The following GSTO2 variants were observed in gnomAD, a reference collection of about 807,000 sequenced individuals.
GSTO2 encodes the protein glutathione S-transferase omega-2.
In GSTO2, 23 loss-of-function variants were observed where a neutral mutation model predicts 28.4. The ratio of observed to expected loss-of-function variants is 0.81; its 90% CI spans 0.58 to 1.15. GSTO2 has a LOEUF of 1.15. GSTO2 is among the 50% of genes most tolerant of loss of function. GSTO2 has a pLI of 0.00. For missense variants in GSTO2, 298 were observed against 297.8 expected (o/e 1.00, Z 0.00); for synonymous variants, 109 against 111.0 (o/e 0.98, Z 0.11).
intron 5 of GSTO2, among the ~76,000 whole-genome samples, chr10:104,288,205 G>T (rs548355049): frequency 6.6e-6 from 1 of 152,248 alleles, no homozygotes; most frequent in Non-Finnish European, 1.5e-5. Flanking sequence ...CACTTTTAAT[G>T]TCTGCATACT....
Position 104,299,307 on chromosome 10 carries a change from T to C in GSTO2, c.*23T>C, listed in dbSNP as rs1406057439. The C allele has an allele frequency of 6.2e-7, 1 of 1,613,186 alleles. No homozygotes were observed. ...TGAGTCTCACTGTCCACCCCTTCGCTGTCCAGAATTCCCCAGCTTGTTGGG... is the reference window on the plus strand; with the variant it reads ...TGAGTCTCACTGTCCACCCCTTCGCCGTCCAGAATTCCCCAGCTTGTTGGG... On this transcript the variant is annotated 3_prime_UTR_variant, in exon 7 of 7. Coordinates refer to ENST00000338595, the MANE Select transcript of GSTO2 (RefSeq NM_183239.2).
At chr10:104,273,961 C>T (rs2011517699) in intron 1 of GSTO2, among the ~76,000 whole-genome samples, 1 of 152,158 alleles carries the variant, frequency 6.6e-6, no homozygotes, top group Admixed American at 6.5e-5. Context: ...AAGCAATTCC[C>T]ACATCAGCTC....
rs2012383717 is a variant in GSTO2 at position 104,285,711 on chromosome 10, T to G, written c.468+6240T>G. Among the ~76,000 whole-genome samples, 3 of 152,100 alleles carry G rather than the reference T, an allele frequency of 2.0e-5. No homozygotes were observed. In the South Asian group the frequency reaches 6.2e-4, roughly 32 times the overall value. On this transcript the variant is annotated intron_variant, in intron 5 of 6. Transcript: ENST00000338595. ...TTGAACTCCTAGGCTCAAGTGATTC[T>G]CCCACTTCAGCCTCCCAAAGTGCTA... is the stretch of plus-strand genomic sequence containing the variant.
chr10:104,293,566 T>G (rs897401748), intron 5 of GSTO2, among the ~76,000 whole-genome samples: 4 of 135,304 alleles, frequency 3.0e-5, no homozygotes, highest in Non-Finnish European at 4.7e-5. Context: ...CTGGCCAATT[T>G]TTTTTTTTTT....
At chr10:104,279,526 T>C in intron 5 of GSTO2, 55 bp downstream of exon 5, 1 of 1,254,300 alleles carries the variant, frequency 8.0e-7, no homozygotes, top group Non-Finnish European at 1.2e-6. Context: ...CTAGGCAGGG[T>C]CGCTAACCTG....
chr10:104,293,376 A>G (rs1347081224), intron 5 of GSTO2, among the ~76,000 whole-genome samples: 2 of 152,140 alleles, frequency 1.3e-5, no homozygotes, highest in African/African-American at 4.8e-5. Context: ...TCATTCTTAC[A>G]GAAAAGAATT....
Position 104,275,386 on chromosome 10 carries a change from C to A in GSTO2, c.143+52C>A, listed in dbSNP as rs910439079. The A allele has an allele frequency of 8.4e-6, 13 of 1,556,512 alleles. No homozygotes were observed. In the African/African-American group the frequency reaches 1.8e-4, roughly 21 times the overall value. ...GAGCAAACCCAGCGCCTCACAGGAG[C>A]CCGGGAATGTTTAACATCTGGGGCG... On this transcript the variant is annotated intron_variant, in intron 3 of 6. Coordinates refer to ENST00000338595, the MANE Select transcript of GSTO2 (RefSeq NM_183239.2).
rs779255158 is a variant in GSTO2 at position 104,278,130 on chromosome 10, A to C, written c.366+14A>C. ...CTATTTTGTAAGGTATATTCAATTT[A>C]AAAAGTCACTCACACTGTATTTTAC... On this transcript the variant is annotated intron_variant, in intron 4 of 6. Coordinates refer to ENST00000338595, the MANE Select transcript of GSTO2 (RefSeq NM_183239.2). The C allele has an allele frequency of 2.5e-6, 4 of 1,598,218 alleles. No homozygotes were observed. In the South Asian group the frequency reaches 4.4e-5, roughly 18 times the overall value.
At position 104,304,780 on chromosome 10, in the gene GSTO2, G is replaced by GT. The variant is rs2135162395; in HGVS notation, c.*5499dup. 2 of 152,292 alleles carry GT rather than the reference G, an allele frequency of 1.3e-5. No individual in the cohort carries two copies. The highest frequency in any genetic ancestry group is 3.9e-4 in the East Asian group (2 of 5,192). 9.4% of individuals were successfully genotyped at this position (152,292 alleles called of 1,614,324 possible). On this transcript the variant is annotated 3_prime_UTR_variant, in exon 7 of 7. Coordinates refer to ENST00000338595, the MANE Select transcript of GSTO2 (RefSeq NM_183239.2). ...CATGGTTTGGAGTTGTTTTCTGGTT[G>GT]TTTCCTGTGTGCAGGTTTAATCTCA...
At chr10:104,296,649 AACAC>A (rs1166636433) in intron 5 of GSTO2, 13 of 151,560 alleles carry the variant, frequency 8.6e-5, no homozygotes, top group African/African-American at 3.1e-4. Context: ...GAAGAAGAAG[AACAC>A]AGGTTGGAAT....
intron 1 of GSTO2, among the ~76,000 whole-genome samples, chr10:104,273,321 A>G (rs923608004): frequency 3.3e-5 from 5 of 151,556 alleles, no homozygotes; most frequent in Non-Finnish European, 5.9e-5. Flanking sequence ...TATGCATTTT[A>G]TTTTCAGAGA....
intron 5 of GSTO2, among the ~76,000 whole-genome samples, chr10:104,292,428 G>A (rs1300265739): frequency 6.6e-6 from 1 of 151,772 alleles, no homozygotes; most frequent in African/African-American, 2.4e-5. Context: ...AAAGCACTGG[G>A]ATTACAGGCG....
chr10:104,283,564 T>A (rs1033071360), intron 5 of GSTO2, among the ~76,000 whole-genome samples: 11 of 152,096 alleles, frequency 7.2e-5, no homozygotes, highest in Non-Finnish European at 1.5e-4. Context: ...AGTTTGAGCT[T>A]GCAATGAGCT....
rs147434049 is a variant in GSTO2 at position 104,301,520 on chromosome 10, T to C, written c.*2236T>C. Reference sequence around the variant, plus strand: ...CTGACCCACAGAGAAAACTGAGTTATCAATCTTTGAATAAAACTAGAAGGA... The same window carrying C: ...CTGACCCACAGAGAAAACTGAGTTACCAATCTTTGAATAAAACTAGAAGGA... On this transcript the variant is annotated 3_prime_UTR_variant, in exon 7 of 7. Transcript: ENST00000338595. 1 of 152,302 alleles carries C rather than the reference T, an allele frequency of 6.6e-6. No homozygotes were observed. The highest frequency in any genetic ancestry group is 6.5e-5 in the Admixed American group (1 of 15,290). The allele number at this position is 152,302 out of a possible 1,614,324, so 9.4% of individuals were successfully genotyped here.
chr10:104,289,833 G>T (rs1324372824), intron 5 of GSTO2, among the ~76,000 whole-genome samples: 1 of 152,084 alleles, frequency 6.6e-6, no homozygotes, highest in African/African-American at 2.4e-5. Flanking sequence ...ATGAAAAGGT[G>T]CTCAGCATCA....
At chr10:104,282,225 C>CAA (rs71022727) in intron 5 of GSTO2, among the ~76,000 whole-genome samples, 24,209 of 88,536 alleles carry the variant, frequency 0.27, 2,768 homozygotes, top group Non-Finnish European at 0.38. Flanking sequence ...GACTCTGTTT[C>CAA]AAAAAAAAAA....
intron 5 of GSTO2, chr10:104,296,334 A>C (rs2013020838): frequency 1.3e-5 from 2 of 152,156 alleles, no homozygotes; most frequent in Admixed American, 1.3e-4. Context: ...AGAAACACAG[A>C]GTTGGGGGCC....
At chr10:104,277,158 A>G (rs2011681123) in intron 3 of GSTO2, among the ~76,000 whole-genome samples, 1 of 152,148 alleles carries the variant, frequency 6.6e-6, no homozygotes, top group South Asian at 2.1e-4. Context: ...AATTGTTAAC[A>G]TTTACCATAT....
chr10:104,270,037 G>A (rs1229313751), intron 1 of GSTO2, among the ~76,000 whole-genome samples: 5 of 147,962 alleles, frequency 3.4e-5, no homozygotes, highest in Non-Finnish European at 7.4e-5. Flanking sequence ...TTTTTGAGAC[G>A]GAGTCTCGCT....
Sources: allele counts gnomAD v4.1 joint callset (sites outside exome capture counted in the v4.1 genomes callset), GRCh38; gene constraint gnomAD v4.1.1; transcripts MANE v1.5; gene names NCBI Gene and HGNC (gene_info 2026-07-23, HGNC 2026-07-21).